Variants in KIZ observed in about 807,000 individuals in gnomAD.
KIZ encodes the protein centrosomal protein kizuna.
Under a neutral mutation model 79.6 loss-of-function variants are expected in KIZ, and 68 were observed. The ratio of observed to expected loss-of-function variants is 0.85; its 90% CI spans 0.70 to 1.05. KIZ has a LOEUF of 1.05. KIZ is among the 50% of genes least tolerant of loss of function. KIZ has a pLI of 0.00. For missense variants in KIZ, 797 were observed against 800.4 expected, an observed-to-expected ratio of 1.00 and a Z score of 0.05; for synonymous variants, 280 against 281.8, an observed-to-expected ratio of 0.99 and a Z score of 0.06.
intron 4 of KIZ, among the ~76,000 whole-genome samples, chr20:21,149,899 G>T (rs1212924369): frequency 6.6e-6 from 1 of 152,240 alleles, no homozygotes; most frequent in Non-Finnish European, 1.5e-5. Context: ...CTAACACAAG[G>T]ATTTGAGTGT....
chr20:21,222,630 A>T (rs1051198456), intron 9 of KIZ, among the ~76,000 whole-genome samples: 1 of 152,242 alleles, frequency 6.6e-6, no homozygotes, highest in Admixed American at 6.5e-5. Context: ...TCTGAGAGCT[A>T]GAAGTCTGAA....
Position 21,132,094 on chromosome 20 carries a change from T to C in KIZ, c.90-3T>C, listed in dbSNP as rs2031885130. On this transcript the variant is annotated splice_polypyrimidine_tract_variant and splice_region_variant and intron_variant, in intron 1 of 12. Transcript: ENST00000619189. ...ATTACTTATAAAATGTTTTTTATTA[T>C]AGTGAAAAGAAGAGATTGGACCTGG... 8.2e-7 allele frequency: 1 copy of C among 1,222,816 alleles called. No individual in the cohort carries two copies. Among genetic ancestry groups the C allele is most frequent in the Non-Finnish European group, 1.2e-6 (1 of 854,518 alleles). 75.7% of individuals were successfully genotyped at this position (1,222,816 alleles called of 1,614,324 possible).
At chr20:21,165,599 G>T (rs1326116761) in intron 6 of KIZ, among the ~76,000 whole-genome samples, 1 of 152,210 alleles carries the variant, frequency 6.6e-6, no homozygotes, top group Non-Finnish European at 1.5e-5. Flanking sequence ...TCATCCATGT[G>T]GTAGGCAGAA....
intron 3 of KIZ, among the ~76,000 whole-genome samples, chr20:21,140,302 T>C (rs1166767306): frequency 6.6e-6 from 1 of 152,148 alleles, no homozygotes; most frequent in African/African-American, 2.4e-5. Context: ...CACCCCAAAA[T>C]GCCACAGGTA....
At chr20:21,216,125 G>A (rs1221315360) in intron 9 of KIZ, among the ~76,000 whole-genome samples, 1 of 152,098 alleles carries the variant, frequency 6.6e-6, no homozygotes, top group Non-Finnish European at 1.5e-5. Context: ...GTACCAATCG[G>A]GCTTCATCAA....
intron 12 of KIZ, chr20:21,245,310 C>G (rs551290643): frequency 1.3e-5 from 2 of 152,250 alleles, no homozygotes; most frequent in Admixed American, 6.5e-5. Context: ...CAGCTACCTA[C>G]TGTGGGGGAG....
At position 21,141,819 on chromosome 20, in the gene KIZ, ACACACTCTCTCTCTCTCTCT is replaced by A. The variant is rs1600370861; in HGVS notation, c.316-3744_316-3725del. Among the ~76,000 whole-genome samples, 3 of 142,396 alleles carry A rather than the reference ACACACTCTCTCTCTCTCTCT, an allele frequency of 2.1e-5. No individual in the cohort carries two copies. In the East Asian group the frequency reaches 6.4e-4, roughly 31 times the overall value. 93.4% of individuals were successfully genotyped at this position (142,396 alleles called of 152,430 possible). On this transcript the variant is annotated intron_variant, in intron 3 of 12. Coordinates refer to ENST00000619189, the MANE Select transcript of KIZ (RefSeq NM_018474.6). ...TCCCAACACACACACACACACACAC[ACACACTCTCTCTCTCTCTCT>A]CTCTCTCTCTGTGTTTGTCTCTCTC...
intron 11 of KIZ, among the ~76,000 whole-genome samples, chr20:21,237,473 T>G (rs2037057023): frequency 6.6e-6 from 1 of 152,120 alleles, no homozygotes; most frequent in African/African-American, 2.4e-5. Context: ...CAGGAGACCC[T>G]TGTTGCCTGC....
At chr20:21,159,950 G>A (rs554355437) in intron 4 of KIZ, among the ~76,000 whole-genome samples, 1 of 152,312 alleles carries the variant, frequency 6.6e-6, no homozygotes, top group South Asian at 2.1e-4. Flanking sequence ...TAAAGTGGGT[G>A]CACCGTTTTA....
At chr20:21,205,125 A>T (rs1465293676) in intron 6 of KIZ, among the ~76,000 whole-genome samples, 1 of 152,148 alleles carries the variant, frequency 6.6e-6, no homozygotes, top group Non-Finnish European at 1.5e-5. Flanking sequence ...ATCCAATGAG[A>T]CTAAATAAAT....
At chr20:21,186,395 A>C (rs1465093296) in intron 6 of KIZ, among the ~76,000 whole-genome samples, 2 of 151,824 alleles carry the variant, frequency 1.3e-5, no homozygotes, top group Admixed American at 6.6e-5. Flanking sequence ...TGTAATCATG[A>C]GTACACTTGG....
chr20:21,169,701 G>A (rs1397887903), intron 6 of KIZ, among the ~76,000 whole-genome samples: 1 of 152,138 alleles, frequency 6.6e-6, no homozygotes, highest in Admixed American at 6.5e-5. Flanking sequence ...TTCTCTACTT[G>A]AAAATGACCT....
intron 6 of KIZ, among the ~76,000 whole-genome samples, chr20:21,179,307 G>A (rs1286355148): frequency 6.6e-6 from 1 of 150,400 alleles, no homozygotes; most frequent in African/African-American, 2.4e-5. Context: ...ATTAGTCTTG[G>A]TATGTGTATG....
At chr20:21,202,464 G>C (rs896011675) in intron 6 of KIZ, 4 of 152,138 alleles carry the variant, frequency 2.6e-5, no homozygotes, top group African/African-American at 9.7e-5. Context: ...ACCAAGAAAG[G>C]CAAGTTGCTG....
chr20:21,170,709 G>A (rs1215104171), intron 6 of KIZ, among the ~76,000 whole-genome samples: 3 of 151,956 alleles, frequency 2.0e-5, no homozygotes, highest in Non-Finnish European at 4.4e-5. Flanking sequence ...GATCTTATTC[G>A]TTCTTTCTAA....
chr20:21,153,710 C>T (rs1249790188), intron 4 of KIZ, among the ~76,000 whole-genome samples: 6 of 152,234 alleles, frequency 3.9e-5, no homozygotes, highest in Admixed American at 3.3e-4. Flanking sequence ...CCAACAGGGT[C>T]GCTTTCTGGT....
At chr20:21,129,731 CA>C (rs1358405199) in intron 1 of KIZ, among the ~76,000 whole-genome samples, 1,782 of 126,772 alleles carry the variant, frequency 0.014, 28 homozygotes, top group African/African-American at 0.045. Flanking sequence ...GACTCCATCT[CA>C]AAAAAAAAAA....
At chr20:21,230,335 C>T (rs369004728) in intron 10 of KIZ, among the ~76,000 whole-genome samples, 133 of 152,220 alleles carry the variant, frequency 8.7e-4, no homozygotes, top group African/African-American at 2.9e-3. Context: ...ATTAGCCACA[C>T]GTGTTAGCAT....
intron 6 of KIZ, among the ~76,000 whole-genome samples, chr20:21,191,302 T>C (rs1172693214): frequency 6.6e-6 from 1 of 152,244 alleles, no homozygotes; most frequent in African/African-American, 2.4e-5. Context: ...TTAAACAGAC[T>C]TTGCAGCCTG....
Sources: allele counts gnomAD v4.1 joint callset (sites outside exome capture counted in the v4.1 genomes callset), GRCh38; gene constraint gnomAD v4.1.1; transcripts MANE v1.5; gene names NCBI Gene and HGNC (gene_info 2026-07-23, HGNC 2026-07-21).